OSBPL1A: variants seen among roughly 807,000 people sequenced by gnomAD.
OSBPL1A encodes oxysterol-binding protein-related protein 1.
In OSBPL1A, 80 loss-of-function variants were observed where a neutral mutation model predicts 137.1. That is an observed-to-expected ratio of 0.58 (90% CI 0.49 to 0.70). The LOEUF (loss-of-function observed/expected upper bound fraction) is 0.70, where lower values mean the gene tolerates loss of function less well. Ranked by LOEUF, OSBPL1A falls within the 30% of genes least tolerant of loss-of-function variation. OSBPL1A has a pLI of 0.00. For synonymous variants in OSBPL1A, 365 were observed against 389.7 expected, an observed-to-expected ratio of 0.94 and a Z score of 0.75; for missense variants, 970 against 1,129.4, an observed-to-expected ratio of 0.86 and a Z score of 2.02.
At chr18:24,287,516 C>T (rs944011884) in intron 14 of OSBPL1A, among the ~76,000 whole-genome samples, 1 of 152,168 alleles carries the variant, frequency 6.6e-6, no homozygotes, top group Admixed American at 6.5e-5. Context: ...CTCACACCTG[C>T]AATCCCAGCA....
At chr18:24,191,708 G>A (rs1334279592) in intron 18 of OSBPL1A, among the ~76,000 whole-genome samples, 1 of 151,908 alleles carries the variant, frequency 6.6e-6, no homozygotes, top group Admixed American at 6.6e-5. Context: ...TGAAGTAATC[G>A]ATAAAAGACC....
rs560579097 is a variant in OSBPL1A, at chr18:24,391,080, C to T, written c.-3+6575G>A. Among the ~76,000 whole-genome samples, 6 of 152,042 alleles carry T rather than the reference C, an allele frequency of 3.9e-5. No homozygotes were observed. In the South Asian group the frequency reaches 1.0e-3, roughly 26 times the overall value. Reference sequence around the variant, plus strand: ...CCACCACTTTGCACTACAGCCTGGGCGACAAAGCAAGACTCTGTCTCAATC... The same window carrying T: ...CCACCACTTTGCACTACAGCCTGGGTGACAAAGCAAGACTCTGTCTCAATC... On this transcript the variant is annotated intron_variant, in intron 1 of 27. Coordinates refer to ENST00000319481, the MANE Select transcript of OSBPL1A (RefSeq NM_080597.4).
At chr18:24,355,796 C>A (rs570096693) in intron 4 of OSBPL1A, among the ~76,000 whole-genome samples, 2 of 151,876 alleles carry the variant, frequency 1.3e-5, no homozygotes, top group Non-Finnish European at 2.9e-5. Context: ...ACCAGCCTGG[C>A]CAACATGGTG....
intron 18 of OSBPL1A, among the ~76,000 whole-genome samples, chr18:24,182,875 C>CTT (rs1381758998): frequency 6.8e-5 from 10 of 146,204 alleles, no homozygotes; most frequent in East Asian, 4.0e-4. Flanking sequence ...TTCTATTTTT[C>CTT]TTTTTTTTTT....
At position 24,239,249 on chromosome 18, in the gene OSBPL1A, C is replaced by T. The variant is rs145395306; in HGVS notation, c.1415G>A (p.Ser472Asn). 2.1e-5 allele frequency: 34 copies of T among 1,613,926 alleles called. No individual in the cohort carries two copies. The African/African-American group carries it at 2.8e-4, about 13-fold the overall frequency. The change falls in exon 16 of 28, where the codon AGC (serine) becomes AAC (asparagine). Residue 472 changes from serine (S) to asparagine (N), a missense_variant. Physicochemically the swap from Ser to Asn is conservative, Grantham distance 46. Transcript: ENST00000319481. ...CAGCGCATCATAGAACTCGTCCTCG[C>T]TAAGGATGCTGGCGGGTGGAGAGCC... ...VKGSPPASIL[S>N]EDEFYDALSD...
At chr18:24,196,359 C>G (rs957451986) in intron 17 of OSBPL1A, among the ~76,000 whole-genome samples, 159 bp from the exon 18 acceptor site, 1 of 152,188 alleles carries the variant, frequency 6.6e-6, no homozygotes, top group Admixed American at 6.5e-5. Flanking sequence ...TAGGGTTGCA[C>G]CTGTTCACCT....
intron 11 of OSBPL1A, among the ~76,000 whole-genome samples, chr18:24,316,722 C>A (rs957799865): frequency 6.6e-6 from 1 of 152,134 alleles, no homozygotes; most frequent in African/African-American, 2.4e-5. Flanking sequence ...CTAGCCAAAA[C>A]CAAGACACAA....
At chr18:24,325,563 C>T (rs984405159) in intron 7 of OSBPL1A, among the ~76,000 whole-genome samples, 15 of 152,272 alleles carry the variant, frequency 9.9e-5, no homozygotes, top group Middle Eastern at 3.4e-3. Flanking sequence ...TTCTAAGATA[C>T]CCCCCATCCT....
At chr18:24,222,623 A>G (rs1472331033) in intron 17 of OSBPL1A, among the ~76,000 whole-genome samples, 2 of 152,226 alleles carry the variant, frequency 1.3e-5, no homozygotes, top group African/African-American at 4.8e-5. Context: ...CACAGAAATG[A>G]AGGTGGTGAG....
intron 3 of OSBPL1A, among the ~76,000 whole-genome samples, 180 bp from the exon 4 acceptor site, chr18:24,367,146 C>T (rs2091714506): frequency 6.6e-6 from 1 of 151,816 alleles, no homozygotes. Context: ...CCCATAGTCC[C>T]AGCTACTTGG....
intron 15 of OSBPL1A, among the ~76,000 whole-genome samples, chr18:24,278,786 CAT>C (rs768776336): frequency 6.6e-6 from 1 of 150,484 alleles, no homozygotes; most frequent in Non-Finnish European, 1.5e-5. Context: ...CCTATGACAT[CAT>C]ATTTTATTAA....
chr18:24,395,515 G>A (rs971654049), intron 1 of OSBPL1A, among the ~76,000 whole-genome samples: 1 of 152,136 alleles, frequency 6.6e-6, no homozygotes, highest in African/African-American at 2.4e-5. Context: ...CCGGCATTGT[G>A]CCATGTTATT....
At chr18:24,325,364 C>T (rs1004041227) in intron 7 of OSBPL1A, among the ~76,000 whole-genome samples, 1 of 152,194 alleles carries the variant, frequency 6.6e-6, no homozygotes, top group African/African-American at 2.4e-5. Context: ...TTCTCCAGCT[C>T]GCCCTGCTCT....
At chr18:24,179,536 G>A (rs1429701614) in intron 20 of OSBPL1A, among the ~76,000 whole-genome samples, 1 of 151,838 alleles carries the variant, frequency 6.6e-6, no homozygotes, top group African/African-American at 2.4e-5. Context: ...AAAAATCTTT[G>A]CAATTATTTC....
chr18:24,341,341 G>T (rs2146155575), intron 5 of OSBPL1A, among the ~76,000 whole-genome samples: 1 of 152,142 alleles, frequency 6.6e-6, no homozygotes, highest in Middle Eastern at 3.4e-3. Flanking sequence ...CCATAATTTT[G>T]TACAAATTAA....
intron 4 of OSBPL1A, among the ~76,000 whole-genome samples, chr18:24,350,029 G>A (rs1452656864): frequency 6.6e-6 from 1 of 152,212 alleles, no homozygotes; most frequent in Non-Finnish European, 1.5e-5. Context: ...CACCAAGGGT[G>A]AAGGGAAGAT....
At chr18:24,342,115 A>G (rs1210578958) in intron 4 of OSBPL1A, among the ~76,000 whole-genome samples, 1 of 152,238 alleles carries the variant, frequency 6.6e-6, no homozygotes, top group Non-Finnish European at 1.5e-5. Flanking sequence ...AAAGTGATAT[A>G]CCATTATTGA....
intron 17 of OSBPL1A, among the ~76,000 whole-genome samples, chr18:24,213,875 T>C (rs2087616709): frequency 6.6e-6 from 1 of 152,234 alleles, no homozygotes; most frequent in Admixed American, 6.5e-5. Flanking sequence ...CACAGTACAT[T>C]TTCTTTTTAT....
Position 24,272,898 on chromosome 18 carries a change from TATTA to T in OSBPL1A, c.1281+7940_1281+7943del, listed in dbSNP as rs541311882. 2.2e-4 allele frequency among the ~76,000 whole-genome samples: 33 copies of T among 152,254 alleles called. 1 individual carries two copies. Among genetic ancestry groups the T allele is most frequent in the Middle Eastern group, 3.4e-3 (1 of 294 alleles). ...CTTTGTTTTCATTGTTATTTTATTG[TATTA>T]ATTAATTAATTTATTTATTTGGAGA... On this transcript the variant is annotated intron_variant, in intron 15 of 27. Transcript: ENST00000319481.
Sources: gnomAD v4.1 joint callset for allele counts (sites outside exome capture counted in the v4.1 genomes callset) on GRCh38, gnomAD v4.1.1 for gene constraint, MANE v1.5 for transcripts, NCBI Gene and HGNC (gene_info 2026-07-23, HGNC 2026-07-21) for gene names.